Variants in CAMTA2 observed in about 807,000 individuals in gnomAD.
CAMTA2 encodes calmodulin binding transcription activator 2.
CAMTA2 carries 56 observed loss-of-function variants against 135.7 expected under a neutral mutation model. The ratio of observed to expected loss-of-function variants is 0.41; its 90% CI spans 0.33 to 0.52. CAMTA2 has a LOEUF of 0.52. CAMTA2 is among the 20% of genes least tolerant of loss of function. CAMTA2 has a pLI of 0.16. For missense variants in CAMTA2, 1,358 were observed against 1,553.4 expected (o/e 0.87, Z 2.11); for synonymous variants, 591 against 604.6 (o/e 0.98, Z 0.33).
chr17:4,979,910 G>T lies in CAMTA2; in HGVS notation c.1412C>A (p.Pro471His). 6 of 1,613,228 alleles carry T rather than the reference G, an allele frequency of 3.7e-6. No homozygotes were observed. Among genetic ancestry groups the T allele is most frequent in the Non-Finnish European group, 5.1e-6 (6 of 1,179,522 alleles). ...PIPSPPPSPP[P>H]SPAPLEPSSR... ...TGACGGCTCCAAGGGGGCAGGTGAG[G>T]GTGGGGGTGAGGGAGGGGGTGAAGG... Residue 471 changes from proline to histidine, a missense_variant, in exon 9 of 23, where the codon CCC (proline) becomes CAC (histidine). By Grantham distance (77) the Pro-to-His change is moderately conservative (BLOSUM62 -2). Around this residue, in one of 4 missense-constraint regions of CAMTA2, gnomAD observed 1,077 missense variants for 1,127.5 expected, o/e 0.96. Transcript: ENST00000348066.
chr17:4,975,252 A>G (rs913096406), intron 11 of CAMTA2, among the ~76,000 whole-genome samples: 5 of 152,144 alleles, frequency 3.3e-5, no homozygotes, highest in Admixed American at 6.5e-5. Context: ...ATAGAAGGGG[A>G]TGAAGGTACA....
intron 13 of CAMTA2, 64 bp downstream of exon 13, chr17:4,973,521 C>T: frequency 2.0e-6 from 3 of 1,508,158 alleles, no homozygotes. Context: ...TCCAATTCCT[C>T]TTCAGTCCCC....
At chr17:4,973,063 G>C in intron 14 of CAMTA2, 72 bp from the exon 15 acceptor site, 2 of 1,509,894 alleles carry the variant, frequency 1.3e-6, no homozygotes, top group Non-Finnish European at 1.8e-6. Context: ...CAGGTAGTCA[G>C]GTCTTCAGGC....
At chr17:4,984,554 A>G (rs1284802966) in intron 3 of CAMTA2, among the ~76,000 whole-genome samples, 4 of 152,236 alleles carry the variant, frequency 2.6e-5, no homozygotes, top group Admixed American at 1.3e-4. Flanking sequence ...CACTTACAAC[A>G]ATCACACATA....
chr17:4,974,980 C>T (rs1372919107), intron 11 of CAMTA2, among the ~76,000 whole-genome samples: 1 of 152,204 alleles, frequency 6.6e-6, no homozygotes, highest in Admixed American at 6.5e-5. Context: ...CCTCCCCTTC[C>T]TCCCAGCCCC....
chr17:4,970,535 A>G lies in CAMTA2; in HGVS notation c.2810T>C (p.Val937Ala). 6.2e-7 allele frequency: 1 copy of G among 1,608,096 alleles called. No individual in the cohort carries two copies. The highest frequency in any genetic ancestry group is 8.5e-7 in the Non-Finnish European group (1 of 1,179,314). ...CTGCTTGGCTAGTGAGATCATGTCC[A>G]CCTGGAAGAAGGGAGAAGCTGAGTG... is the stretch of plus-strand genomic sequence containing the variant. ...DSPQAVDVIP[V>A]DMISLAKQII... is the part of the protein sequence containing the mutation. Residue 937 changes from valine (V) to alanine (A), a missense_variant and splice_region_variant, in exon 17 of 23, where the codon GTG becomes GCG. Transcript: ENST00000348066.
chr17:4,980,434 G>A lies in CAMTA2; in HGVS notation c.888C>T (p.Ser296=). 9 of 1,613,622 alleles carry A rather than the reference G, an allele frequency of 5.6e-6. No homozygotes were observed. Among genetic ancestry groups the A allele is most frequent in the South Asian group, 1.1e-5 (1 of 91,040 alleles). ...GGGGCTCTGCAAAACCTGATGAGGA[G>A]GAAGAAGAGGAAGAAGATGGGGAGG... ...AHTSPSSSSS[S]SSSGFAEPLE... The change falls in exon 9 of 23, where the codon TCC becomes TCT. Residue 296 remains serine, a synonymous_variant. Transcript: ENST00000348066. This position sits in a 1 kb window ranked among gnomAD's most constrained non-coding sequence, Gnocchi z 5.3.
rs535822062 is a variant in CAMTA2, at chr17:4,983,145, C to T, written c.136-102G>A. On this transcript the variant is annotated intron_variant, in intron 3 of 22. Transcript: ENST00000348066. ...TGTCTCACTCTCTGCTGAGTTCTGG[C>T]AGCTAGTGGAGGATGCTTCTAGGTA... The T allele has an allele frequency of 2.7e-5, 27 of 986,074 alleles. No individual in the cohort carries two copies. The African/African-American group carries it at 3.0e-4, about 11-fold the overall frequency. The allele number at this position is 986,074 out of a possible 1,614,324, so 61.1% of individuals were successfully genotyped here. A position where few individuals can be genotyped will look rare whatever the true frequency, so the allele number is the denominator to read the frequency against.
chr17:4,968,718 G>C lies in CAMTA2; in HGVS notation c.*38C>G. 1 of 1,613,236 alleles carries C rather than the reference G, an allele frequency of 6.2e-7. No homozygotes were observed. Among genetic ancestry groups the C allele is most frequent in the Non-Finnish European group, 8.5e-7 (1 of 1,179,772 alleles). On this transcript the variant is annotated 3_prime_UTR_variant, in exon 23 of 23. Coordinates refer to ENST00000348066, the MANE Select transcript of CAMTA2 (RefSeq NM_015099.4). ...AGCCCTCTCCCTGTTAAGACTGCAC[G>C]AGGCGCCCCCAGGGTGGTGAGAAAG...
At chr17:4,973,882 A>G (rs891534512) in intron 12 of CAMTA2, 113 bp from the exon 13 acceptor site, 9 of 818,548 alleles carry the variant, frequency 1.1e-5, no homozygotes, top group African/African-American at 1.7e-5. Flanking sequence ...CCCTCCCCAC[A>G]TGTCCCACTC....
At chr17:4,987,385 G>T in intron 1 of CAMTA2, 1 of 1,366,958 alleles carries the variant, frequency 7.3e-7, no homozygotes, top group Non-Finnish European at 9.4e-7. Context: ...GGGGGTCTCC[G>T]GGACAGTCCC....
At chr17:4,987,404 G>A in intron 1 of CAMTA2, 189 bp downstream of exon 1, 1 of 1,369,948 alleles carries the variant, frequency 7.3e-7, no homozygotes, top group Non-Finnish European at 9.4e-7. Context: ...CCCGGCACGC[G>A]CTGGTCCGCC....
At position 4,979,974 on chromosome 17, in the gene CAMTA2, C is replaced by T. The variant is rs773509423; in HGVS notation, c.1348G>A (p.Gly450Arg). The change falls in exon 9 of 23, where the codon GGG (glycine) becomes AGG (arginine). Residue 450 changes from glycine (G) to arginine (R), a missense_variant. By Grantham distance (125) the Gly-to-Arg change is moderately radical. This residue lies in a region of CAMTA2 where 1,077 missense variants were observed against 1,127.5 expected (regional missense o/e 0.96). Transcript: ENST00000348066. ...NCFFIQDDDS[G>R]EELKGHGAAP... is the part of the protein sequence containing the mutation. Reference sequence around the variant, plus strand: ...GCCCCGTGACCCTTGAGCTCCTCCCCACTGTCATCATCTTGGATGAAGAAG... The same window carrying T: ...GCCCCGTGACCCTTGAGCTCCTCCCTACTGTCATCATCTTGGATGAAGAAG... The T allele has an allele frequency of 6.2e-7, 1 of 1,613,552 alleles. No individual in the cohort carries two copies. Among genetic ancestry groups the T allele is most frequent in the Non-Finnish European group, 8.5e-7 (1 of 1,179,974 alleles).
chr17:4,973,097 T>C (rs1023519506), intron 14 of CAMTA2, 78 bp downstream of exon 14: 4 of 1,500,454 alleles, frequency 2.7e-6, no homozygotes, highest in Non-Finnish European at 3.7e-6. Context: ...ACTCCCTGCA[T>C]TCCTCAGGAT....
At chr17:4,973,376 G>A in intron 13 of CAMTA2, 123 bp from the exon 14 acceptor site, 2 of 906,238 alleles carry the variant, frequency 2.2e-6, no homozygotes, top group Non-Finnish European at 3.6e-6. Flanking sequence ...GGCAGTCAAG[G>A]ACACTAGCTT....
At chr17:4,985,043 G>A (rs965500181) in intron 3 of CAMTA2, among the ~76,000 whole-genome samples, 5 of 149,320 alleles carry the variant, frequency 3.3e-5, no homozygotes, top group African/African-American at 4.9e-5. Flanking sequence ...AAAATTAGCC[G>A]GGCGTGGAGG....
intron 12 of CAMTA2, 46 bp downstream of exon 12, chr17:4,974,339 T>C (rs1972483072): frequency 6.6e-6 from 8 of 1,210,360 alleles, no homozygotes; most frequent in Non-Finnish European, 8.6e-6. Context: ...AGCTGTGTCC[T>C]CCCCCTGCTC....
At chr17:4,974,715 C>T (rs1972513983) in intron 11 of CAMTA2, 2 of 497,158 alleles carry the variant, frequency 4.0e-6, no homozygotes, top group East Asian at 3.8e-5. Context: ...TGATCTAGAA[C>T]CCAGATCTGG....
rs1381920356 is a variant in CAMTA2 at position 4,980,147 on chromosome 17, C to G, written c.1175G>C (p.Gly392Ala). The G allele has an allele frequency of 6.3e-7, 1 of 1,591,328 alleles. No individual in the cohort carries two copies. The highest frequency in any genetic ancestry group is 8.6e-7 in the Non-Finnish European group (1 of 1,167,918). ...NSPQRGQTYG[G>A]GQGVSPDFPE... ...GAAGTCTGGGCTTACTCCCTGCCCC[C>G]CTCCATATGTCTGGCCCCTCTGGGG... is the stretch of plus-strand genomic sequence containing the variant. The change falls in exon 9 of 23, where the codon GGG (glycine) becomes GCG (alanine). Residue 392 changes from glycine (G) to alanine (A), a missense_variant. By Grantham distance (60) the Gly-to-Ala change is moderately conservative. Transcript: ENST00000348066. This position sits in a 1 kb window ranked among gnomAD's most constrained non-coding sequence, Gnocchi z 5.3.
Sources: allele counts gnomAD v4.1 joint callset (sites outside exome capture counted in the v4.1 genomes callset), GRCh38; gene constraint gnomAD v4.1.1; regional missense constraint gnomAD v4.1.1; non-coding constraint Gnocchi (gnomAD v3.1); transcripts MANE v1.5; gene names NCBI Gene and HGNC (gene_info 2026-07-23, HGNC 2026-07-21).